SRRM4: variants seen among roughly 807,000 people sequenced by gnomAD.
SRRM4 encodes the protein serine/arginine repetitive matrix 4, also known as serine/arginine repetitive matrix protein 4.
A neutral mutation model predicts 68.9 loss-of-function variants in SRRM4; 33 were observed. That is an observed-to-expected ratio of 0.48 (90% CI 0.36 to 0.64). SRRM4 has a LOEUF of 0.64. Among genes scored for constraint, SRRM4 ranks in the 30% least tolerant of loss-of-function variants. SRRM4 has a pLI of 0.00. For missense variants in SRRM4, 817 were observed against 827.1 expected (o/e 0.99, Z 0.15); for synonymous variants, 318 against 318.8 (o/e 1.00, Z 0.03).
intron 4 of SRRM4, among the ~76,000 whole-genome samples, chr12:119,119,356 C>T (rs1256771701): frequency 6.6e-6 from 1 of 151,884 alleles, no homozygotes; most frequent in Non-Finnish European, 1.5e-5. Context: ...TCCCTGCCCT[C>T]CAATTCTCAC....
chr12:119,097,262 G>T (rs1954051849), intron 1 of SRRM4, among the ~76,000 whole-genome samples: 1 of 152,252 alleles, frequency 6.6e-6, no homozygotes, highest in African/African-American at 2.4e-5. Context: ...GTGGGGCTGT[G>T]GAGGGCTGAG....
intron 1 of SRRM4, among the ~76,000 whole-genome samples, chr12:119,010,163 C>T (rs564588586): frequency 1.3e-5 from 2 of 152,322 alleles, no homozygotes; most frequent in African/African-American, 2.4e-5. Context: ...AGCAATTCTC[C>T]GGCCTCAGCC....
At chr12:119,133,158 G>A (rs927893660) in intron 8 of SRRM4, 6 of 152,140 alleles carry the variant, frequency 3.9e-5, no homozygotes, top group Admixed American at 6.5e-5. Context: ...AACAAGGATA[G>A]CAATAAGACC....
intron 2 of SRRM4, 32 bp from the exon 3 acceptor site, chr12:119,114,245 GT>G (rs775373071): frequency 6.3e-7 from 1 of 1,590,096 alleles, no homozygotes; most frequent in African/African-American, 1.3e-5. Flanking sequence ...GGAACCATGA[GT>G]TATCTAATGC....
chr12:119,097,550 A>C (rs1295676776), intron 1 of SRRM4, among the ~76,000 whole-genome samples: 4 of 152,244 alleles, frequency 2.6e-5, no homozygotes, highest in African/African-American at 9.6e-5. Context: ...GTTTTATTGC[A>C]AAATTCCAGG....
chr12:119,056,193 G>T (rs530922808), intron 1 of SRRM4, among the ~76,000 whole-genome samples: 1 of 152,292 alleles, frequency 6.6e-6, no homozygotes, highest in African/African-American at 2.4e-5. Context: ...CCTCCCCTTT[G>T]ATAATAGCTC....
intron 1 of SRRM4, among the ~76,000 whole-genome samples, chr12:119,011,416 C>T (rs1190841678): frequency 6.6e-6 from 1 of 152,146 alleles, no homozygotes; most frequent in African/African-American, 2.4e-5. Context: ...ATTAGCACCA[C>T]CCTCCCTTTG....
intron 9 of SRRM4, 74 bp from the exon 10 acceptor site, chr12:119,150,943 G>T: frequency 7.1e-7 from 1 of 1,412,478 alleles, no homozygotes; most frequent in Non-Finnish European, 9.9e-7. Context: ...CTAGGCCAAG[G>T]TAGGGAGGTA....
chr12:119,020,071 A>G (rs1295652313), intron 1 of SRRM4, among the ~76,000 whole-genome samples: 39 of 151,386 alleles, frequency 2.6e-4, no homozygotes, highest in Admixed American at 2.5e-3. Flanking sequence ...CAGTGTGGTC[A>G]ATGGAGTAGG....
At chr12:119,012,385 T>TC (rs1316112812) in intron 1 of SRRM4, among the ~76,000 whole-genome samples, 2 of 152,206 alleles carry the variant, frequency 1.3e-5, no homozygotes. Context: ...CGAGAGGATA[T>TC]CCCCTGACTT....
chr12:119,070,872 T>C (rs939944709), intron 1 of SRRM4, among the ~76,000 whole-genome samples: 1 of 152,196 alleles, frequency 6.6e-6, no homozygotes, highest in Non-Finnish European at 1.5e-5. Context: ...CTAGGACTTG[T>C]CCTCACTGGC....
intron 8 of SRRM4, among the ~76,000 whole-genome samples, chr12:119,137,457 TGA>T (rs1954336335): frequency 6.6e-6 from 1 of 152,274 alleles, no homozygotes; most frequent in East Asian, 1.9e-4. Flanking sequence ...CCTGGAGGGC[TGA>T]GAGAGACTCC....
intron 1 of SRRM4, among the ~76,000 whole-genome samples, chr12:119,023,334 A>G (rs1953527765): frequency 6.6e-6 from 1 of 152,192 alleles, no homozygotes; most frequent in African/African-American, 2.4e-5. Context: ...GAGCACTGGG[A>G]ACAGCTTAGT....
intron 2 of SRRM4, among the ~76,000 whole-genome samples, chr12:119,111,504 C>T (rs1400805866): frequency 6.6e-6 from 1 of 152,170 alleles, no homozygotes; most frequent in African/African-American, 2.4e-5. Context: ...GAAGTTATAG[C>T]TGACTGAAAC....
chr12:119,151,911 G>C (rs924827682), intron 10 of SRRM4, among the ~76,000 whole-genome samples: 1 of 152,200 alleles, frequency 6.6e-6, no homozygotes, highest in Admixed American at 6.5e-5. Flanking sequence ...CACAAGACCA[G>C]TACAGATTCA....
At chr12:119,142,230 C>T (rs1954369751) in intron 8 of SRRM4, among the ~76,000 whole-genome samples, 1 of 152,192 alleles carries the variant, frequency 6.6e-6, no homozygotes, top group Non-Finnish European at 1.5e-5. Flanking sequence ...GATTTTTAAA[C>T]ATGCAGGAGA....
chr12:118,991,795 G>C (rs1447921304), intron 1 of SRRM4: 3 of 152,208 alleles, frequency 2.0e-5, no homozygotes, highest in African/African-American at 7.2e-5. Context: ...CCAGCACCTA[G>C]TACAGTGGCT....
intron 1 of SRRM4, among the ~76,000 whole-genome samples, chr12:119,094,767 T>C (rs1954033256): frequency 6.6e-6 from 1 of 152,252 alleles, no homozygotes; most frequent in Non-Finnish European, 1.5e-5. Flanking sequence ...ACTTCTTATA[T>C]ACCATATTGC....
chr12:119,015,220 C>A (rs572867518), intron 1 of SRRM4, among the ~76,000 whole-genome samples: 4 of 152,218 alleles, frequency 2.6e-5, no homozygotes, highest in Non-Finnish European at 1.5e-5. Context: ...GTAATCAATC[C>A]GCCAGCAGGT....
Sources: allele counts gnomAD v4.1 joint callset (sites outside exome capture counted in the v4.1 genomes callset), GRCh38; gene constraint gnomAD v4.1.1; transcripts MANE v1.5; gene names NCBI Gene and HGNC (gene_info 2026-07-23, HGNC 2026-07-21).